The following SETBP1 variants were observed in gnomAD, a reference collection of about 807,000 sequenced individuals.
SETBP1 encodes the protein SET-binding protein.
Under a neutral mutation model 101.0 loss-of-function variants are expected in SETBP1, and 9 were observed. The observed-to-expected ratio is 0.09, with a 90% CI of 0.05 to 0.16. SETBP1 has a LOEUF of 0.16. SETBP1 is among the 10% of genes least tolerant of loss of function. The probability of loss-of-function intolerance (pLI) is 1.00; values close to 1 mark genes in which losing one functional copy is unlikely to be tolerated. For synonymous variants in SETBP1, 818 were observed against 788.5 expected, an observed-to-expected ratio of 1.04 and a Z score of -0.63; for missense variants, 1,858 against 2,033.8, an observed-to-expected ratio of 0.91 and a Z score of 1.66.
At chr18:44,978,408 G>A (rs1366792571) in intron 4 of SETBP1, among the ~76,000 whole-genome samples, 5 of 152,152 alleles carry the variant, frequency 3.3e-5, no homozygotes, top group Non-Finnish European at 2.9e-5. Context: ...ATCTTGTAGT[G>A]ATATTAATCA....
At chr18:44,935,894 G>A (rs991449479) in intron 3 of SETBP1, among the ~76,000 whole-genome samples, 1 of 152,290 alleles carries the variant, frequency 6.6e-6, no homozygotes, top group East Asian at 1.9e-4. Flanking sequence ...ACATTCACAC[G>A]TGAATGTTCC....
chr18:44,928,094 C>T (rs182973515), intron 3 of SETBP1, among the ~76,000 whole-genome samples: 162 of 152,288 alleles, frequency 1.1e-3, no homozygotes, highest in African/African-American at 3.5e-3. Flanking sequence ...CCCCACCCCA[C>T]GACAGGCCCT....
At chr18:44,875,284 G>T (rs989081810) in intron 3 of SETBP1, among the ~76,000 whole-genome samples, 2 of 152,094 alleles carry the variant, frequency 1.3e-5, no homozygotes, top group African/African-American at 4.8e-5. Context: ...ACATTGGGAG[G>T]CCAAGGCGGG....
chr18:44,839,000 C>A (rs769862810), intron 2 of SETBP1, among the ~76,000 whole-genome samples: 3 of 151,814 alleles, frequency 2.0e-5, no homozygotes, highest in African/African-American at 7.3e-5. Flanking sequence ...CAGGCTGATA[C>A]ACACTCAACT....
At chr18:45,037,467 C>A (rs981686060) in intron 4 of SETBP1, among the ~76,000 whole-genome samples, 1 of 152,122 alleles carries the variant, frequency 6.6e-6, no homozygotes, top group South Asian at 2.1e-4. Context: ...GCACTAGGCA[C>A]GGTTCTAAGC....
At chr18:44,878,131 C>T (rs969565963) in intron 3 of SETBP1, among the ~76,000 whole-genome samples, 1 of 152,004 alleles carries the variant, frequency 6.6e-6, no homozygotes, top group Non-Finnish European at 1.5e-5. Context: ...AATATGATGT[C>T]GTATTTCAAA....
upstream of SETBP1, chr18:44,680,229 G>A (rs1234514229): frequency 6.9e-6 from 1 of 145,894 alleles, no homozygotes; most frequent in Non-Finnish European, 1.5e-5. Context: ...GCGCCCGGGG[G>A]CCCCGGCGCC....
intron 3 of SETBP1, among the ~76,000 whole-genome samples, chr18:44,899,774 G>A (rs569534653): frequency 4.5e-4 from 68 of 152,150 alleles, no homozygotes; most frequent in African/African-American, 1.6e-3. Context: ...AGGTAGAAGA[G>A]ACCCAAAATT....
chr18:44,701,818 C>T lies in SETBP1; in HGVS notation c.472C>T (p.His158Tyr). 1 of 1,613,172 alleles carries T rather than the reference C, an allele frequency of 6.2e-7. No homozygotes were observed. The highest frequency in any genetic ancestry group is 8.5e-7 in the Non-Finnish European group (1 of 1,180,034). Residue 158 changes from histidine (H) to tyrosine (Y), a missense_variant, in exon 2 of 6, where the codon CAC (histidine) becomes TAC (tyrosine). His to Tyr is a moderately conservative substitution (Grantham distance 83). This residue lies in a region of SETBP1 where 581 missense variants were observed against 535.1 expected (regional missense o/e 1.09). Transcript: ENST00000649279. ...AGCCACGAAGGAGGAAGAAAGAAGC[C>T]ACTCCAAAAAGAAGGTAGGAAGCCC... Reference protein sequence around the residue: ...SKATKEEERSHSKKKLLTASD... With the variant: ...SKATKEEERSYSKKKLLTASD...
chr18:44,726,676 T>G lies in SETBP1; in HGVS notation c.486+24844T>G, dbSNP rs540501123. Among the ~76,000 whole-genome samples the G allele has an allele frequency of 1.9e-4, 29 of 152,370 alleles. 1 individual carries two copies. In the South Asian group the frequency reaches 6.0e-3, roughly 32 times the overall value. On this transcript the variant is annotated intron_variant, in intron 2 of 5. Transcript: ENST00000649279. ...TTTCAAATTTCATCACGTGTTTGAT[T>G]CTAAGTGACATGAACTTGAAGTTTA...
chr18:44,710,526 A>G (rs758809852), intron 2 of SETBP1, among the ~76,000 whole-genome samples: 1 of 138,712 alleles, frequency 7.2e-6, no homozygotes, highest in Non-Finnish European at 1.5e-5. Flanking sequence ...TTTTTGGCTC[A>G]CTACAATTTC....
chr18:44,883,515 T>C (rs1007174755), intron 3 of SETBP1, among the ~76,000 whole-genome samples: 13 of 152,352 alleles, frequency 8.5e-5, no homozygotes, highest in African/African-American at 3.1e-4. Context: ...AATCAGGTTG[T>C]CTGTCACCAT....
chr18:44,858,786 T>C (rs1599234175), intron 2 of SETBP1, among the ~76,000 whole-genome samples: 1 of 152,236 alleles, frequency 6.6e-6, no homozygotes, highest in Non-Finnish European at 1.5e-5. Flanking sequence ...AACAATAGCA[T>C]GTTTCATACC....
intron 4 of SETBP1, among the ~76,000 whole-genome samples, chr18:44,976,231 C>G (rs1264187284): frequency 2.0e-5 from 3 of 152,236 alleles, no homozygotes; most frequent in Admixed American, 2.0e-4. Context: ...TGCTGAGGAA[C>G]AGCAGAGGAG....
Position 44,905,096 on chromosome 18 carries a change from C to T in SETBP1, c.540+35813C>T, listed in dbSNP as rs867912952. On this transcript the variant is annotated intron_variant, in intron 3 of 5. Transcript: ENST00000649279. ...CCATGAATAAAAGTATAAGAGACCA[C>T]AATTATAGAGGTGAGTAGCTTTAGG... Among the ~76,000 whole-genome samples the T allele has an allele frequency of 3.9e-5, 6 of 152,252 alleles. No homozygotes were observed. The South Asian group carries it at 8.3e-4, about 21-fold the overall frequency.
At chr18:44,695,642 G>A (rs1379312823) in intron 1 of SETBP1, among the ~76,000 whole-genome samples, 2 of 152,216 alleles carry the variant, frequency 1.3e-5, no homozygotes, top group African/African-American at 4.8e-5. Flanking sequence ...AGGGAGGACT[G>A]AGGATGAAGA....
At chr18:44,905,060 G>A (rs2070141392) in intron 3 of SETBP1, among the ~76,000 whole-genome samples, 1 of 152,138 alleles carries the variant, frequency 6.6e-6, no homozygotes, top group South Asian at 2.1e-4. Flanking sequence ...CAGATCAAAG[G>A]AAAATGTAGA....
chr18:45,004,046 C>T (rs867087502), intron 4 of SETBP1, among the ~76,000 whole-genome samples: 2 of 152,174 alleles, frequency 1.3e-5, no homozygotes, highest in African/African-American at 2.4e-5. Context: ...CCCTACAAGG[C>T]GTGGAACAGC....
At chr18:44,919,655 C>T (rs926298995) in intron 3 of SETBP1, among the ~76,000 whole-genome samples, 155 of 151,810 alleles carry the variant, frequency 1.0e-3, no homozygotes, top group African/African-American at 3.6e-3. Context: ...GCTAGATCCC[C>T]CCGTCTTTAA....
Sources: allele counts gnomAD v4.1 joint callset (sites outside exome capture counted in the v4.1 genomes callset), GRCh38; gene constraint gnomAD v4.1.1; regional missense constraint gnomAD v4.1.1; transcripts MANE v1.5; gene names NCBI Gene and HGNC (gene_info 2026-07-23, HGNC 2026-07-21).